Variants in INPP4B observed in about 807,000 individuals in gnomAD.
The protein encoded by INPP4B is inositol polyphosphate-4-phosphatase type II B.
INPP4B carries 55 observed loss-of-function variants against 122.5 expected under a neutral mutation model. That is an observed-to-expected ratio of 0.45 (90% CI 0.36 to 0.56). The LOEUF (loss-of-function observed/expected upper bound fraction) is 0.56. Ranked by LOEUF, INPP4B falls within the 20% of genes least tolerant of loss-of-function variation. The pLI is 0.00. For missense variants in INPP4B, 1,000 were observed against 1,097.7 expected, an observed-to-expected ratio of 0.91 and a Z score of 1.26; for synonymous variants, 403 against 388.7, an observed-to-expected ratio of 1.04 and a Z score of -0.43.
chr4:142,772,851 C>A (rs2151004200), intron 1 of INPP4B, among the ~76,000 whole-genome samples: 1 of 151,964 alleles, frequency 6.6e-6, no homozygotes, highest in African/African-American at 2.4e-5. Flanking sequence ...TCAAGACCAG[C>A]CTGGGTAACA....
At chr4:142,644,330 A>G (rs1403870544) in intron 2 of INPP4B, among the ~76,000 whole-genome samples, 2 of 151,744 alleles carry the variant, frequency 1.3e-5, no homozygotes, top group Admixed American at 6.6e-5. Context: ...GGAGGGCGAG[A>G]AGGAGGAAAG....
At chr4:142,373,798 C>T (rs1479025204) in intron 7 of INPP4B, among the ~76,000 whole-genome samples, 1 of 151,918 alleles carries the variant, frequency 6.6e-6, no homozygotes, top group African/African-American at 2.4e-5. Flanking sequence ...TTATCTTTGG[C>T]TATATTCCCA....
chr4:142,571,859 G>T (rs1732903305), intron 2 of INPP4B, among the ~76,000 whole-genome samples: 1 of 151,958 alleles, frequency 6.6e-6, no homozygotes, highest in Admixed American at 6.6e-5. Context: ...AGGCTATATT[G>T]TTATTCAGTA....
intron 2 of INPP4B, among the ~76,000 whole-genome samples, chr4:142,633,694 G>A (rs1748481744): frequency 6.6e-6 from 1 of 151,758 alleles, no homozygotes; most frequent in South Asian, 2.1e-4. Context: ...TAAAAGGCAG[G>A]AACTCAAAAA....
chr4:142,781,115 C>T (rs1402580865), intron 1 of INPP4B, among the ~76,000 whole-genome samples: 1 of 152,120 alleles, frequency 6.6e-6, no homozygotes, highest in Non-Finnish European at 1.5e-5. Flanking sequence ...AGTGATGGGG[C>T]TGGGTGTCAA....
chr4:142,212,160 T>G (rs981981895), intron 12 of INPP4B, among the ~76,000 whole-genome samples: 2 of 152,064 alleles, frequency 1.3e-5, no homozygotes, highest in African/African-American at 4.8e-5. Context: ...GATAACCCGA[T>G]AGCATACAAA....
At chr4:142,217,632 G>T (rs901894448) in intron 12 of INPP4B, among the ~76,000 whole-genome samples, 2 of 152,196 alleles carry the variant, frequency 1.3e-5, no homozygotes, top group African/African-American at 4.8e-5. Context: ...TTCCTATTGT[G>T]ATGGTTAATT....
intron 18 of INPP4B, among the ~76,000 whole-genome samples, chr4:142,125,691 A>T (rs955090446): frequency 6.6e-6 from 1 of 151,908 alleles, no homozygotes; most frequent in Non-Finnish European, 1.5e-5. Context: ...TCCCTATTCC[A>T]TGAAGATTGG....
At chr4:142,153,646 G>T (rs1185317182) in intron 17 of INPP4B, among the ~76,000 whole-genome samples, 1 of 152,050 alleles carries the variant, frequency 6.6e-6, no homozygotes, top group South Asian at 2.1e-4. Flanking sequence ...TACATTAATA[G>T]AAGTAAAATA....
At chr4:142,279,227 C>G (rs1455045200) in intron 9 of INPP4B, among the ~76,000 whole-genome samples, 1 of 151,854 alleles carries the variant, frequency 6.6e-6, no homozygotes, top group Non-Finnish European at 1.5e-5. Flanking sequence ...TGTCAATTCT[C>G]CTCAAAGTCA....
At chr4:142,523,973 C>T (rs992679084) in intron 2 of INPP4B, among the ~76,000 whole-genome samples, 3 of 148,780 alleles carry the variant, frequency 2.0e-5, no homozygotes, top group African/African-American at 7.5e-5. Flanking sequence ...CATGTCCCTA[C>T]AAAGGACATG....
At chr4:142,744,010 T>C (rs1035246351) in intron 1 of INPP4B, among the ~76,000 whole-genome samples, 3 of 151,976 alleles carry the variant, frequency 2.0e-5, no homozygotes, top group African/African-American at 7.2e-5. Flanking sequence ...AGATGATGAC[T>C]TTAAATCAAC....
intron 2 of INPP4B, among the ~76,000 whole-genome samples, chr4:142,706,414 G>A (rs1762477700): frequency 6.6e-6 from 1 of 152,184 alleles, no homozygotes; most frequent in African/African-American, 2.4e-5. Flanking sequence ...CAATCAATCA[G>A]TCAATAAGTT....
intron 2 of INPP4B, among the ~76,000 whole-genome samples, chr4:142,642,992 T>C (rs551001811): frequency 3.9e-5 from 6 of 152,330 alleles, no homozygotes; most frequent in South Asian, 2.1e-4. Context: ...ACATCCCTTG[T>C]AAGTTGGATT....
At chr4:142,746,524 T>C (rs1044865402) in intron 1 of INPP4B, among the ~76,000 whole-genome samples, 1 of 152,082 alleles carries the variant, frequency 6.6e-6, no homozygotes, top group African/African-American at 2.4e-5. Flanking sequence ...AAAAAATACT[T>C]TAAATTTCAT....
At chr4:142,134,797 CA>C (rs58297348) in intron 18 of INPP4B, among the ~76,000 whole-genome samples, 5,496 of 51,098 alleles carry the variant, frequency 0.11, 192 homozygotes, top group African/African-American at 0.25. Context: ...AACTCTGTCT[CA>C]AAAAAAAAAA....
At chr4:142,190,179 T>C (rs555978053) in intron 15 of INPP4B, among the ~76,000 whole-genome samples, 15 of 146,522 alleles carry the variant, frequency 1.0e-4, no homozygotes, top group African/African-American at 3.5e-4. Flanking sequence ...GCTATCTGGG[T>C]TTTTTATTTG....
intron 1 of INPP4B, among the ~76,000 whole-genome samples, chr4:142,745,017 T>C (rs1315086979): frequency 6.6e-6 from 1 of 151,778 alleles, no homozygotes; most frequent in Non-Finnish European, 1.5e-5. Context: ...TTATTATATT[T>C]GGGAAATGGG....
intron 1 of INPP4B, among the ~76,000 whole-genome samples, chr4:142,737,703 A>C (rs1423325969): frequency 6.6e-6 from 1 of 152,208 alleles, no homozygotes; most frequent in Non-Finnish European, 1.5e-5. Flanking sequence ...AAATTTTTAC[A>C]ATCTACTCAT....
Sources: allele counts gnomAD v4.1 joint callset (sites outside exome capture counted in the v4.1 genomes callset), GRCh38; gene constraint gnomAD v4.1.1; transcripts MANE v1.5; gene names NCBI Gene and HGNC (gene_info 2026-07-23, HGNC 2026-07-21).